CDS2: variants seen among roughly 807,000 people sequenced by gnomAD.
CDS2 encodes phosphatidate cytidylyltransferase 2.
In CDS2, 47 loss-of-function variants were observed where a neutral mutation model predicts 59.0. That is an observed-to-expected ratio of 0.80 (90% CI 0.63 to 1.02). The LOEUF is 1.02. Ranked by LOEUF, CDS2 falls within the 50% of genes least tolerant of loss-of-function variation. CDS2 has a pLI of 0.00. For synonymous variants in CDS2, 207 were observed against 206.4 expected, an observed-to-expected ratio of 1.00 and a Z score of -0.02; for missense variants, 356 against 558.9, an observed-to-expected ratio of 0.64 and a Z score of 3.66.
chr20:5,130,984 G>A lies in CDS2; in HGVS notation c.57+3835G>A, dbSNP rs376841561. On this transcript the variant is annotated intron_variant, in intron 1 of 12. Coordinates refer to ENST00000460006, the MANE Select transcript of CDS2 (RefSeq NM_003818.4). ...TGGGCGCCTGTAGTCCCAGCTACTCGGAAGGCTGAGAGGCAGGAGAATGGC... is the reference window on the plus strand; with the variant it reads ...TGGGCGCCTGTAGTCCCAGCTACTCAGAAGGCTGAGAGGCAGGAGAATGGC... 1.3e-4 allele frequency among the ~76,000 whole-genome samples: 20 copies of A among 151,580 alleles called. No homozygotes were observed. The South Asian group carries it at 2.1e-3, about 16-fold the overall frequency.
At chr20:5,162,211 A>G (rs949429909) in intron 1 of CDS2, among the ~76,000 whole-genome samples, 5 of 152,202 alleles carry the variant, frequency 3.3e-5, no homozygotes, top group African/African-American at 4.8e-5. Flanking sequence ...AAAAATTTGA[A>G]ATTTTCAAAA....
At position 5,184,266 on chromosome 20, in the gene CDS2, C is replaced by T. The variant is rs530578023; in HGVS notation, c.672-592C>T. ...GAGAGAGAACAAGTGTGGAAACCAC[C>T]TCTTTCATAGTGAGGATGACTGGAT... On this transcript the variant is annotated intron_variant, in intron 7 of 12. Coordinates refer to ENST00000460006, the MANE Select transcript of CDS2 (RefSeq NM_003818.4). This position sits in a 1 kb window ranked among gnomAD's most constrained non-coding sequence, Gnocchi z 4.3. Among the ~76,000 whole-genome samples, 1 of 152,250 alleles carries T rather than the reference C, an allele frequency of 6.6e-6. No homozygotes were observed. Among genetic ancestry groups the T allele is most frequent in the African/African-American group, 2.4e-5 (1 of 41,534 alleles).
At position 5,193,357 on chromosome 20, in the gene CDS2, A is replaced by G. The variant is rs1255597561; in HGVS notation, c.*3123A>G. On this transcript the variant is annotated 3_prime_UTR_variant, in exon 13 of 13. Coordinates refer to ENST00000460006, the MANE Select transcript of CDS2 (RefSeq NM_003818.4). The stretch of plus-strand genomic sequence containing the variant: ...TATAATGTATGAGAACTAGTTTCAC[A>G]TCCTTTGAAACTAATCTCTTTCATT... 2.0e-5 allele frequency: 3 copies of G among 152,250 alleles called. No individual in the cohort carries two copies. The highest frequency in any genetic ancestry group is 7.2e-5 in the African/African-American group (3 of 41,468). 9.4% of individuals were successfully genotyped at this position (152,250 alleles called of 1,614,324 possible). A position where few individuals can be genotyped will look rare whatever the true frequency, so the allele number is the denominator to read the frequency against.
chr20:5,164,421 G>T (rs1444558206), intron 1 of CDS2, among the ~76,000 whole-genome samples: 1 of 152,106 alleles, frequency 6.6e-6, no homozygotes, highest in African/African-American at 2.4e-5. Context: ...TGACAGTGAA[G>T]CAGGTACCAG....
At chr20:5,176,526 C>T (rs564714730) in intron 3 of CDS2, 122 bp from the exon 4 acceptor site, 4 of 726,000 alleles carry the variant, frequency 5.5e-6, no homozygotes, top group East Asian at 2.5e-5. Context: ...GGAAGCAGAA[C>T]CACTGGAGGC....
rs576566865 is a variant in CDS2 at position 5,190,374 on chromosome 20, T to C, written c.*140T>C. 1 of 811,074 alleles carries C rather than the reference T, an allele frequency of 1.2e-6. No homozygotes were observed. Among genetic ancestry groups the C allele is most frequent in the Non-Finnish European group, 1.9e-6 (1 of 533,872 alleles). The allele number at this position is 811,074 out of a possible 1,614,324, so 50.2% of individuals were successfully genotyped here. A position where few individuals can be genotyped will look rare whatever the true frequency, so the allele number is the denominator to read the frequency against. On this transcript the variant is annotated 3_prime_UTR_variant, in exon 13 of 13. Coordinates refer to ENST00000460006, the MANE Select transcript of CDS2 (RefSeq NM_003818.4). ...TTTTTTTTTGGAGGGTATTTTTTAT[T>C]TGTGGGTTCAAAAAATCTGTATATA... is the stretch of plus-strand genomic sequence containing the variant.
In CDS2 at chr20:5,197,238, T is replaced by G. The variant is rs1388457663; in HGVS notation, c.*7004T>G. On this transcript the variant is annotated 3_prime_UTR_variant, in exon 13 of 13. Transcript: ENST00000460006. ...GGATCTTGGGAACCTTGGTGGTTTT[T>G]TTTTTTTTTTTGGTTTTTTTTTTTT... 1.3e-4 allele frequency: 6 copies of G among 46,176 alleles called. No homozygotes were observed. Among genetic ancestry groups the G allele is most frequent in the Non-Finnish European group, 2.5e-4 (5 of 20,232 alleles). The allele number at this position is 46,176 out of a possible 1,614,324, so 2.9% of individuals were successfully genotyped here.
chr20:5,134,179 C>T (rs866010728), intron 1 of CDS2, among the ~76,000 whole-genome samples: 3 of 152,152 alleles, frequency 2.0e-5, no homozygotes, highest in Non-Finnish European at 4.4e-5. Context: ...GCACTCCCGG[C>T]GCAGTGCTTG....
At position 5,134,820 on chromosome 20, in the gene CDS2, C is replaced by T. The variant is rs541311524; in HGVS notation, c.57+7671C>T. Among the ~76,000 whole-genome samples, 170 of 152,116 alleles carry T rather than the reference C, an allele frequency of 1.1e-3. 1 individual carries two copies. Among genetic ancestry groups the T allele is most frequent in the Non-Finnish European group, 6.9e-4 (47 of 68,026 alleles). ...ACAGGCATGAGCCACCGTACCCAGCCGACTGCATATTTAAATTGGTAAGGT... is the reference window on the plus strand; with the variant it reads ...ACAGGCATGAGCCACCGTACCCAGCTGACTGCATATTTAAATTGGTAAGGT... On this transcript the variant is annotated intron_variant, in intron 1 of 12. Transcript: ENST00000460006.
chr20:5,185,713 A>G lies in CDS2; in HGVS notation c.760-45A>G, dbSNP rs368282201. On this transcript the variant is annotated intron_variant, in intron 8 of 12. Transcript: ENST00000460006. ...AAGTAATCATTGTTCGCAAAGCTATAGTTATCAAAACACCCTTTGCTGAGA... is the reference window on the plus strand; with the variant it reads ...AAGTAATCATTGTTCGCAAAGCTATGGTTATCAAAACACCCTTTGCTGAGA... 1.2e-4 allele frequency: 186 copies of G among 1,530,040 alleles called. 1 individual carries two copies. The highest frequency in any genetic ancestry group is 4.5e-4 in the Admixed American group (27 of 59,804). 94.8% of individuals were successfully genotyped at this position (1,530,040 alleles called of 1,614,324 possible).
Position 5,194,410 on chromosome 20 carries a change from A to C in CDS2, c.*4176A>C, listed in dbSNP as rs1313637676. 2 of 152,206 alleles carry C rather than the reference A, an allele frequency of 1.3e-5. No homozygotes were observed. The highest frequency in any genetic ancestry group is 4.8e-5 in the African/African-American group (2 of 41,450). 9.4% of individuals were successfully genotyped at this position (152,206 alleles called of 1,614,324 possible). A position where few individuals can be genotyped will look rare whatever the true frequency, so the allele number is the denominator to read the frequency against. ...GGACTCTCCTTATCCACATCCCTGC[A>C]GAAGGTGGGCCCTATTCTCAGAAGA... is the stretch of plus-strand genomic sequence containing the variant. On this transcript the variant is annotated 3_prime_UTR_variant, in exon 13 of 13. Coordinates refer to ENST00000460006, the MANE Select transcript of CDS2 (RefSeq NM_003818.4).
In CDS2 at chr20:5,185,109, TA is replaced by T. The variant is rs556162578; in HGVS notation, c.759+177del. ...CCAAAGGAAAACACTGACAACTGAT[TA>T]AAAAAAAAAAAAGATAATAAAGAAA... On this transcript the variant is annotated intron_variant, in intron 8 of 12. Coordinates refer to ENST00000460006, the MANE Select transcript of CDS2 (RefSeq NM_003818.4). Among the ~76,000 whole-genome samples, 266 of 142,900 alleles carry T rather than the reference TA, an allele frequency of 1.9e-3. 1 individual carries two copies. Among genetic ancestry groups the T allele is most frequent in the Middle Eastern group, 3.6e-3 (1 of 274 alleles). The allele number at this position is 142,900 out of a possible 152,430, so 93.7% of individuals were successfully genotyped here.
chr20:5,142,766 C>G (rs1442317361), intron 1 of CDS2, among the ~76,000 whole-genome samples: 1 of 152,134 alleles, frequency 6.6e-6, no homozygotes, highest in Non-Finnish European at 1.5e-5. Context: ...ACAAATGTAT[C>G]TGATGCAGGG....
At chr20:5,183,443 A>G (rs962339984) in intron 7 of CDS2, among the ~76,000 whole-genome samples, 7 of 152,254 alleles carry the variant, frequency 4.6e-5, no homozygotes, top group South Asian at 2.1e-4. Context: ...CTCAAAGACA[A>G]TGCAACATGT....
chr20:5,145,233 AAG>A (rs2090730828), intron 1 of CDS2, among the ~76,000 whole-genome samples: 2 of 113,280 alleles, frequency 1.8e-5, no homozygotes, highest in African/African-American at 3.4e-5. Flanking sequence ...GTAGAAAGGA[AAG>A]ACCCCCCCCC....
intron 1 of CDS2, among the ~76,000 whole-genome samples, chr20:5,143,009 ATTTTTGTATT>A (rs1040329468): frequency 2.0e-5 from 3 of 151,972 alleles, no homozygotes; most frequent in African/African-American, 7.3e-5. Context: ...TGTCTGGCTA[ATTTTTGTATT>A]TTTTTGTAGA....
intron 1 of CDS2, among the ~76,000 whole-genome samples, chr20:5,169,774 T>C (rs1451752673): frequency 4.6e-5 from 7 of 152,250 alleles, no homozygotes; most frequent in Non-Finnish European, 1.0e-4. Context: ...GCATGGACTG[T>C]TGCTTTAATG....
At chr20:5,148,822 C>G (rs2090765738) in intron 1 of CDS2, among the ~76,000 whole-genome samples, 1 of 152,198 alleles carries the variant, frequency 6.6e-6, no homozygotes, top group Non-Finnish European at 1.5e-5. Flanking sequence ...CCAGTTTTCT[C>G]TTGAACAGTT....
intron 1 of CDS2, among the ~76,000 whole-genome samples, chr20:5,145,217 G>A (rs1015629358): frequency 9.6e-5 from 14 of 145,514 alleles, no homozygotes; most frequent in Non-Finnish European, 1.8e-4. Flanking sequence ...ATTTTAGGGC[G>A]AATGGGTAGA....
Sources: gnomAD v4.1 joint callset for allele counts (sites outside exome capture counted in the v4.1 genomes callset) on GRCh38, gnomAD v4.1.1 for gene constraint, Gnocchi (gnomAD v3.1) non-coding constraint, MANE v1.5 for transcripts, NCBI Gene and HGNC (gene_info 2026-07-23, HGNC 2026-07-21) for gene names.